The following SVEP1 variants were observed in gnomAD, a reference collection of about 807,000 sequenced individuals.
The protein encoded by SVEP1 is sushi, von Willebrand factor type A, EGF and pentraxin domain containing 1, also known as sushi, von Willebrand factor type A, EGF and pentraxin domain-containing protein 1.
Under a neutral mutation model 367.3 loss-of-function variants are expected in SVEP1, and 164 were observed. The ratio of observed to expected loss-of-function variants is 0.45; its 90% CI spans 0.39 to 0.51. SVEP1 has a LOEUF of 0.51. SVEP1 is among the 20% of genes least tolerant of loss of function. The pLI is 0.00. For synonymous variants in SVEP1, 1,666 were observed against 1,611.6 expected (o/e 1.03, Z -0.81); for missense variants, 4,117 against 4,425.3 (o/e 0.93, Z 1.98).
chr9:110,570,453 A>G (rs1374213028), intron 1 of SVEP1, among the ~76,000 whole-genome samples: 2 of 136,194 alleles, frequency 1.5e-5, no homozygotes, highest in East Asian at 4.6e-4. Context: ...AACTAAGACA[A>G]AAAGTTTCTG....
chr9:110,576,247 A>T (rs532586817), intron 1 of SVEP1, among the ~76,000 whole-genome samples: 1 of 152,018 alleles, frequency 6.6e-6, no homozygotes, highest in Non-Finnish European at 1.5e-5. Context: ...ACACACACAC[A>T]CACTCACACA....
chr9:110,475,638 G>A (rs926178621), intron 14 of SVEP1, among the ~76,000 whole-genome samples: 9 of 151,610 alleles, frequency 5.9e-5, no homozygotes, highest in African/African-American at 2.2e-4. Flanking sequence ...TGGGCTCAAG[G>A]GATCCTCCCA....
rs1827517555 is a variant in SVEP1, at chr9:110,386,075, C to T, written c.10061-1G>A. 6.2e-7 allele frequency: 1 copy of T among 1,600,730 alleles called. No homozygotes were observed. Among genetic ancestry groups the T allele is most frequent in the Non-Finnish European group, 8.5e-7 (1 of 1,174,968 alleles). On this transcript the variant is annotated splice_acceptor_variant, in intron 42 of 47. Coordinates refer to ENST00000374469, the MANE Select transcript of SVEP1 (RefSeq NM_153366.4). LOFTEE classifies it high-confidence loss of function. ...ACAAAAGGAACAGGGCATGGATTTGCTGTCAAAAAGAAAAGAAAATGCTTA... is the reference window on the plus strand; with the variant it reads ...ACAAAAGGAACAGGGCATGGATTTGTTGTCAAAAAGAAAAGAAAATGCTTA...
chr9:110,459,375 TAA>T (rs986452499), intron 18 of SVEP1, among the ~76,000 whole-genome samples: 1 of 152,188 alleles, frequency 6.6e-6, no homozygotes, highest in African/African-American at 2.4e-5. Context: ...CATGGTATCA[TAA>T]GTGTTTCCCA....
intron 1 of SVEP1, among the ~76,000 whole-genome samples, chr9:110,571,697 C>T (rs1316647176): frequency 6.6e-6 from 1 of 152,158 alleles, no homozygotes; most frequent in East Asian, 1.9e-4. Context: ...TTCTAGTTTA[C>T]ATCATCTAGG....
chr9:110,365,988 C>CTGAT lies in SVEP1; in HGVS notation c.*547_*550dup, dbSNP rs762197120. 3.9e-5 allele frequency: 6 copies of CTGAT among 152,154 alleles called. No individual in the cohort carries two copies. The highest frequency in any genetic ancestry group is 4.1e-4 in the South Asian group (2 of 4,830). 9.4% of individuals were successfully genotyped at this position (152,154 alleles called of 1,614,324 possible). A position where few individuals can be genotyped will look rare whatever the true frequency, so the allele number is the denominator to read the frequency against. On this transcript the variant is annotated 3_prime_UTR_variant, in exon 48 of 48. Transcript: ENST00000374469. Reference sequence around the variant, plus strand: ...GAGTACCAGGTCCAACAGTTACTCTCTGATTGATTAAATGAAAGAAAAAGC... The same window carrying CTGAT: ...GAGTACCAGGTCCAACAGTTACTCTCTGATTGATTGATTAAATGAAAGAAAAAGC...
At chr9:110,528,172 A>G (rs1172057005) in intron 3 of SVEP1, among the ~76,000 whole-genome samples, 10 of 132,922 alleles carry the variant, frequency 7.5e-5, no homozygotes, top group African/African-American at 1.5e-4. Flanking sequence ...ATATATATAT[A>G]TATATATATA....
At position 110,579,625 on chromosome 9, in the gene SVEP1, G is replaced by A; in HGVS notation, c.-82C>T. On this transcript the variant is annotated 5_prime_UTR_variant, in exon 1 of 48. Coordinates refer to ENST00000374469, the MANE Select transcript of SVEP1 (RefSeq NM_153366.4). The surrounding 1 kb of genome is among the most constrained non-coding windows in gnomAD (Gnocchi z 5.3). ...GGCGCTGGGCGGCCGGACTCGCAGAGGGGCGTGCGCGGAGCTGGGCGCGGG... is the reference window on the plus strand; with the variant it reads ...GGCGCTGGGCGGCCGGACTCGCAGAAGGGCGTGCGCGGAGCTGGGCGCGGG... The A allele has an allele frequency of 7.0e-7, 1 of 1,429,520 alleles. No individual in the cohort carries two copies. Among genetic ancestry groups the A allele is most frequent in the Non-Finnish European group, 9.1e-7 (1 of 1,098,266 alleles). The allele number at this position is 1,429,520 out of a possible 1,614,324, so 88.6% of individuals were successfully genotyped here.
At chr9:110,514,674 A>G (rs1829778475) in intron 3 of SVEP1, among the ~76,000 whole-genome samples, 1 of 152,214 alleles carries the variant, frequency 6.6e-6, no homozygotes, top group African/African-American at 2.4e-5. Context: ...ACAACACAAC[A>G]CAGCATGAAA....
intron 3 of SVEP1, among the ~76,000 whole-genome samples, chr9:110,525,188 C>T (rs982075964): frequency 1.3e-5 from 2 of 151,988 alleles, no homozygotes; most frequent in African/African-American, 4.8e-5. Flanking sequence ...TGTGATTCTC[C>T]TTATAAGAAA....
intron 36 of SVEP1, among the ~76,000 whole-genome samples, chr9:110,424,225 G>A (rs1361209231): frequency 6.6e-6 from 1 of 152,178 alleles, no homozygotes; most frequent in Non-Finnish European, 1.5e-5. Flanking sequence ...GTATTCAAAC[G>A]AAGTAAATAA....
chr9:110,499,065 C>G lies in SVEP1; in HGVS notation c.1657G>C (p.Gly553Arg). The G allele has an allele frequency of 6.2e-7, 1 of 1,613,486 alleles. No individual in the cohort carries two copies. Among genetic ancestry groups the G allele is most frequent in the South Asian group, 1.1e-5 (1 of 91,026 alleles). ...RCTTSGKWNV[G>R]VQAAVCKDVE... ...CCTTTACACACAGCTGCCTGAACTC[C>G]GACATTCCATTTTCCAGAAGTGGTA... Residue 553 changes from glycine to arginine, a missense_variant, in exon 7 of 48, where the codon GGA (glycine) becomes CGA (arginine). Coordinates refer to ENST00000374469, the MANE Select transcript of SVEP1 (RefSeq NM_153366.4).
intron 18 of SVEP1, among the ~76,000 whole-genome samples, chr9:110,463,720 GAGAA>G (rs1247037231): frequency 3.3e-5 from 5 of 151,648 alleles, no homozygotes; most frequent in African/African-American, 4.8e-5. Context: ...AAGAGAGAAA[GAGAA>G]AGAAAGACAA....
chr9:110,552,214 T>G (rs1830298009), intron 1 of SVEP1, among the ~76,000 whole-genome samples: 1 of 151,890 alleles, frequency 6.6e-6, no homozygotes, highest in Admixed American at 6.6e-5. Context: ...GTATTTGTAG[T>G]AGAAACAGGG....
chr9:110,410,094 C>A (rs1828023849), intron 37 of SVEP1, among the ~76,000 whole-genome samples: 1 of 147,830 alleles, frequency 6.8e-6, no homozygotes, highest in Non-Finnish European at 1.5e-5. Context: ...ATACTCTGTA[C>A]CCTCTTCCAA....
intron 37 of SVEP1, among the ~76,000 whole-genome samples, chr9:110,410,028 C>A (rs917145044): frequency 9.2e-6 from 1 of 108,636 alleles, no homozygotes; most frequent in Non-Finnish European, 1.7e-5. Flanking sequence ...AAATGAACAC[C>A]TCTCTACTTA....
chr9:110,445,730 C>T lies in SVEP1; in HGVS notation c.4463+107G>A, dbSNP rs1828583478. On this transcript the variant is annotated intron_variant, in intron 26 of 47. Coordinates refer to ENST00000374469, the MANE Select transcript of SVEP1 (RefSeq NM_153366.4). Reference sequence around the variant, plus strand: ...TTGATTATTGACACCCTGCTGTTTTCTGGGAACACCTGACCCTCTACTTTC... The same window carrying T: ...TTGATTATTGACACCCTGCTGTTTTTTGGGAACACCTGACCCTCTACTTTC... 7.2e-6 allele frequency: 9 copies of T among 1,250,782 alleles called. No homozygotes were observed. The South Asian group carries it at 1.1e-4, about 16-fold the overall frequency. 77.5% of individuals were successfully genotyped at this position (1,250,782 alleles called of 1,614,324 possible). A position where few individuals can be genotyped will look rare whatever the true frequency, so the allele number is the denominator to read the frequency against.
intron 1 of SVEP1, among the ~76,000 whole-genome samples, chr9:110,557,420 C>T (rs1167288526): frequency 1.3e-5 from 2 of 151,962 alleles, no homozygotes; most frequent in Non-Finnish European, 2.9e-5. Context: ...TCTCTTTTCT[C>T]ATCTCCATTT....
chr9:110,434,665 C>CAAAAAAAAAAAAAA (rs1828404499), intron 29 of SVEP1, among the ~76,000 whole-genome samples, 159 bp from the exon 30 acceptor site: 2 of 4,720 alleles, frequency 4.2e-4, no homozygotes, highest in East Asian at 0.042. Context: ...AGCAAAATCA[C>CAAAAAAAAAAAAAA]TAAAAAAAAA....
Sources: gnomAD v4.1 joint callset for allele counts (sites outside exome capture counted in the v4.1 genomes callset) on GRCh38, gnomAD v4.1.1 for gene constraint, Gnocchi (gnomAD v3.1) non-coding constraint, MANE v1.5 for transcripts, NCBI Gene and HGNC (gene_info 2026-07-23, HGNC 2026-07-21) for gene names.